Variants in SCAF1 observed in about 807,000 individuals in gnomAD.
SCAF1 encodes SR-related CTD associated factor 1, also known as splicing factor, arginine/serine-rich 19.
A neutral mutation model predicts 91.2 loss-of-function variants in SCAF1; 28 were observed. That is an observed-to-expected ratio of 0.31 (90% CI 0.23 to 0.42). SCAF1 has a LOEUF of 0.42. Ranked by LOEUF, SCAF1 falls within the 10% of genes least tolerant of loss-of-function variation. The probability of loss-of-function intolerance (pLI) is 1.00; values close to 1 mark genes in which losing one functional copy is unlikely to be tolerated. For missense variants in SCAF1, 1,893 were observed against 1,872.1 expected (o/e 1.01, Z -0.21); for synonymous variants, 1,036 against 833.7 (o/e 1.24, Z -4.18).
chr19:49,645,120 T>C lies in SCAF1; in HGVS notation c.94T>C (p.Ser32Pro). ...AGACAGAGACCCCACGCTTTCTCCT[T>C]CTGCCTTTATCCTGGTGAGGCTGCT... The part of the protein sequence containing the change: ...PPDRDPTLSP[S>P]AFILRAIQQA... The change falls in exon 2 of 11, where the codon TCT (serine) becomes CCT (proline). Residue 32 changes from serine (S) to proline (P), a missense_variant. By Grantham distance (74) the Ser-to-Pro change is moderately conservative. Around this residue, in one of 5 missense-constraint regions of SCAF1, gnomAD observed 270 missense variants for 292.5 expected, o/e 0.92. Transcript: ENST00000360565. This position sits in a 1 kb window ranked among gnomAD's most constrained non-coding sequence, Gnocchi z 4.6. 1 of 1,614,046 alleles carries C rather than the reference T, an allele frequency of 6.2e-7. No homozygotes were observed. Among genetic ancestry groups the C allele is most frequent in the Non-Finnish European group, 8.5e-7 (1 of 1,179,934 alleles).
In SCAF1 at chr19:49,652,743, A is replaced by G. The variant is rs1294178383; in HGVS notation, c.2354A>G (p.Asp785Gly). 1.2e-6 allele frequency: 2 copies of G among 1,608,274 alleles called. No individual in the cohort carries two copies. The highest frequency in any genetic ancestry group is 1.7e-6 in the Non-Finnish European group (2 of 1,177,708). Residue 785 changes from aspartate (D) to glycine (G), a missense_variant, in exon 7 of 11, where the codon GAT becomes GGT. By Grantham distance (94) the Asp-to-Gly change is moderately conservative (BLOSUM62 -1). Coordinates refer to ENST00000360565, the MANE Select transcript of SCAF1 (RefSeq NM_021228.3). ...GGDRDRDRDRDRDRDRSSKKA... is the reference protein window; with the variant it reads ...GGDRDRDRDRGRDRDRSSKKA... ...GACCGGGATCGGGACAGGGACAGAG[A>G]TAGGGACAGGGACAGGTCATCCAAG... is the stretch of plus-strand genomic sequence containing the variant.
intron 9 of SCAF1, among the ~76,000 whole-genome samples, 172 bp from the exon 10 acceptor site, chr19:49,657,589 C>T (rs989125467): frequency 4.6e-5 from 7 of 152,216 alleles, no homozygotes; most frequent in Admixed American, 6.5e-5. Flanking sequence ...CCTTTGGTCC[C>T]GGGCACCTGC....
rs749367598 is a variant in SCAF1 at position 49,652,939 on chromosome 19, G to T, written c.2550G>T (p.Pro850=). The part of the protein sequence containing the change: ...LIREGVSSTT[P]AKDAASAGLG... ...GCGAGGGTGTCAGCAGCACCACCCC[G>T]GCCAAGGATGCCGCGTCAGCCGGCC... Residue 850 remains proline (P), a synonymous_variant, in exon 7 of 11, where the codon CCG becomes CCT. Coordinates refer to ENST00000360565, the MANE Select transcript of SCAF1 (RefSeq NM_021228.3). 1 of 1,613,778 alleles carries T rather than the reference G, an allele frequency of 6.2e-7. No individual in the cohort carries two copies. Among genetic ancestry groups the T allele is most frequent in the South Asian group, 1.1e-5 (1 of 91,068 alleles).
At position 49,653,580 on chromosome 19, in the gene SCAF1, C is replaced by T. The variant is rs1424829774; in HGVS notation, c.3191C>T (p.Thr1064Ile). 1.9e-6 allele frequency: 3 copies of T among 1,589,694 alleles called. No homozygotes were observed. The highest frequency in any genetic ancestry group is 2.3e-5 in the South Asian group (2 of 88,580). The change falls in exon 7 of 11, where the codon ACA becomes ATA. Residue 1064 changes from threonine to isoleucine, a missense_variant. Physicochemically the swap from Thr to Ile is moderately conservative, Grantham distance 89. Around this residue, in one of 5 missense-constraint regions of SCAF1, gnomAD observed 1,436 missense variants for 1,306.8 expected, o/e 1.10. Transcript: ENST00000360565. ...APSTAPSAGS[T>I]AGDSGAEDGP... ...AGCACTGCCCCCAGCGCGGGGTCCA[C>T]AGCCGGTGACTCGGGGGCGGAGGAC...
intron 9 of SCAF1, 124 bp from the exon 10 acceptor site, chr19:49,657,637 C>A (rs2081148586): frequency 7.9e-7 from 1 of 1,269,418 alleles, no homozygotes; most frequent in East Asian, 2.7e-5. Flanking sequence ...AGCAGGACTT[C>A]CAGCCTGAGA....
At chr19:49,642,034 GCGCGGACC>G (rs1483720594), upstream of SCAF1, 2 of 152,260 alleles carry the variant, frequency 1.3e-5, no homozygotes, top group Non-Finnish European at 2.9e-5. The surrounding 1 kb of genome is among the most constrained non-coding windows in gnomAD (Gnocchi z 4.0). Context: ...GGCGTGCATC[GCGCGGACC>G]CCGCCCCATG....
Position 49,652,765 on chromosome 19 carries a change from C to A in SCAF1, c.2376C>A (p.Ser792=), listed in dbSNP as rs755547632. ...RDRDRDRDRS[S]KKARPPKESA... ...GAGATAGGGACAGGGACAGGTCATCCAAGAAGGCCCGGCCCCCCAAGGAGT... is the reference window on the plus strand; with the variant it reads ...GAGATAGGGACAGGGACAGGTCATCAAAGAAGGCCCGGCCCCCCAAGGAGT... The change falls in exon 7 of 11, where the codon TCC becomes TCA. Residue 792 remains serine, a synonymous_variant. Transcript: ENST00000360565. The A allele has an allele frequency of 6.2e-7, 1 of 1,612,246 alleles. No homozygotes were observed. The highest frequency in any genetic ancestry group is 8.5e-7 in the Non-Finnish European group (1 of 1,179,404).
At position 49,645,223 on chromosome 19, in the gene SCAF1, G is replaced by A. The variant is rs1223932503; in HGVS notation, c.108+89G>A. 20 of 1,482,958 alleles carry A rather than the reference G, an allele frequency of 1.3e-5. No homozygotes were observed. The highest frequency in any genetic ancestry group is 3.5e-5 in the Admixed American group (2 of 57,330). The allele number at this position is 1,482,958 out of a possible 1,614,324, so 91.9% of individuals were successfully genotyped here. On this transcript the variant is annotated intron_variant, in intron 2 of 10. Coordinates refer to ENST00000360565, the MANE Select transcript of SCAF1 (RefSeq NM_021228.3). The surrounding 1 kb of genome is among the most constrained non-coding windows in gnomAD (Gnocchi z 4.6). ...TGACTCCAGGGCCTGAGGCAGGGGC[G>A]CTGGACTCTTGGCTCCCTTGAAGCA...
Position 49,645,563 on chromosome 19 carries a change from G to C in SCAF1, c.166+152G>C. ...TGGGCAGACACCCTGTAGCTGCCTT[G>C]GAAGGGCCTAGTGTGCAGTGGAAGG... On this transcript the variant is annotated intron_variant, in intron 3 of 10. Coordinates refer to ENST00000360565, the MANE Select transcript of SCAF1 (RefSeq NM_021228.3). This position sits in a 1 kb window ranked among gnomAD's most constrained non-coding sequence, Gnocchi z 4.6. The C allele has an allele frequency of 1.4e-6, 1 of 730,508 alleles. No individual in the cohort carries two copies. Among genetic ancestry groups the C allele is most frequent in the South Asian group, 1.8e-5 (1 of 54,130 alleles). 45.3% of individuals were successfully genotyped at this position (730,508 alleles called of 1,614,324 possible).
At position 49,653,089 on chromosome 19, in the gene SCAF1, C is replaced by G; in HGVS notation, c.2700C>G (p.Thr900=). The G allele has an allele frequency of 6.2e-7, 1 of 1,613,180 alleles. No individual in the cohort carries two copies. The highest frequency in any genetic ancestry group is 8.5e-7 in the Non-Finnish European group (1 of 1,179,562). ...AAPGSTKPKK[T]KVKAKAGAKK... is the part of the protein sequence containing the mutation. Reference sequence around the variant, plus strand: ...CGGGCAGCACCAAGCCCAAAAAGACCAAGGTCAAGGCCAAGGCAGGGGCCA... The same window carrying G: ...CGGGCAGCACCAAGCCCAAAAAGACGAAGGTCAAGGCCAAGGCAGGGGCCA... The change falls in exon 7 of 11, where the codon ACC becomes ACG. Residue 900 remains threonine (T), a synonymous_variant. Coordinates refer to ENST00000360565, the MANE Select transcript of SCAF1 (RefSeq NM_021228.3).
At position 49,653,052 on chromosome 19, in the gene SCAF1, C is replaced by A; in HGVS notation, c.2663C>A (p.Ala888Asp). 6.2e-7 allele frequency: 1 copy of A among 1,613,960 alleles called. No homozygotes were observed. The highest frequency in any genetic ancestry group is 1.3e-5 in the African/African-American group (1 of 75,052). Residue 888 changes from alanine (A) to aspartate (D), a missense_variant, in exon 7 of 11, where the codon GCC (alanine) becomes GAC (aspartate). This residue lies in a region of SCAF1 where 1,436 missense variants were observed against 1,306.8 expected (regional missense o/e 1.10). Transcript: ENST00000360565. ...KPDERAPTEM[A>D]KAAPGSTKPK... ...GACGAGCGGGCCCCCACTGAGATGG[C>A]CAAAGCAGCTCCGGGCAGCACCAAG...
Position 49,653,477 on chromosome 19 carries a change from G to C in SCAF1, c.3088G>C (p.Glu1030Gln), listed in dbSNP as rs772379040. 21 of 1,557,434 alleles carry C rather than the reference G, an allele frequency of 1.3e-5. No individual in the cohort carries two copies. Among genetic ancestry groups the C allele is most frequent in the Non-Finnish European group, 1.7e-5 (20 of 1,154,210 alleles). ...GAEEEEEEEE[E>Q]EEEEEEEEEQ... ...GGAGGAGGAGGAGGAGGAAGAAGAA[G>C]AGGAGGAGGAAGAGGAAGAGGAGGA... Residue 1030 changes from glutamate (E) to glutamine (Q), a missense_variant, in exon 7 of 11, where the codon GAG (glutamate) becomes CAG (glutamine). Physicochemically the swap from Glu to Gln is conservative, Grantham distance 29 (BLOSUM62 2). Around this residue, in one of 5 missense-constraint regions of SCAF1, gnomAD observed 1,436 missense variants for 1,306.8 expected, o/e 1.10. Coordinates refer to ENST00000360565, the MANE Select transcript of SCAF1 (RefSeq NM_021228.3).
In SCAF1 at chr19:49,653,108, G is replaced by C. The variant is rs755375744; in HGVS notation, c.2719G>C (p.Gly907Arg). Residue 907 changes from glycine to arginine, a missense_variant, in exon 7 of 11, where the codon GGG becomes CGG. Physicochemically the swap from Gly to Arg is moderately radical, Grantham distance 125. Transcript: ENST00000360565. ...AAAGACCAAGGTCAAGGCCAAGGCA[G>C]GGGCCAAGAAAACCAAGGGGACCAA... ...PKKTKVKAKA[G>R]AKKTKGTKGK... 6.2e-7 allele frequency: 1 copy of C among 1,612,270 alleles called. No homozygotes were observed. Among genetic ancestry groups the C allele is most frequent in the Non-Finnish European group, 8.5e-7 (1 of 1,179,206 alleles).
At position 49,653,172 on chromosome 19, in the gene SCAF1, G is replaced by A. The variant is rs755561525; in HGVS notation, c.2783G>A (p.Arg928His). Reference protein sequence around the residue: ...TKPSKTRKKVRSGGGSGGSGG... With the variant: ...TKPSKTRKKVHSGGGSGGSGG... ...CCATCCAAGACCAGGAAAAAGGTCCGCAGTGGAGGTGGCAGCGGGGGCAGT... is the reference window on the plus strand; with the variant it reads ...CCATCCAAGACCAGGAAAAAGGTCCACAGTGGAGGTGGCAGCGGGGGCAGT... Residue 928 changes from arginine to histidine, a missense_variant, in exon 7 of 11, where the codon CGC becomes CAC. Around this residue, in one of 5 missense-constraint regions of SCAF1, gnomAD observed 1,436 missense variants for 1,306.8 expected, o/e 1.10. Transcript: ENST00000360565. 2.1e-5 allele frequency: 33 copies of A among 1,591,832 alleles called. 1 individual carries two copies. Among genetic ancestry groups the A allele is most frequent in the Non-Finnish European group, 2.7e-5 (31 of 1,169,664 alleles).
At chr19:49,647,944 T>C (rs1322828944) in intron 6 of SCAF1, among the ~76,000 whole-genome samples, 1 of 151,766 alleles carries the variant, frequency 6.6e-6, no homozygotes, top group Non-Finnish European at 1.5e-5. Context: ...CCTTGTTTGT[T>C]TTTTTTGAGA....
chr19:49,653,310 C>T lies in SCAF1; in HGVS notation c.2921C>T (p.Pro974Leu). 1 of 1,466,180 alleles carries T rather than the reference C, an allele frequency of 6.8e-7. No individual in the cohort carries two copies. The highest frequency in any genetic ancestry group is 2.6e-5 in the Admixed American group (1 of 37,978). The allele number at this position is 1,466,180 out of a possible 1,614,324, so 90.8% of individuals were successfully genotyped here. ...WSGEERAAKV[P>L]STPPPKAAPP... Reference sequence around the variant, plus strand: ...GGGGAGGAGCGGGCAGCCAAGGTTCCTAGCACCCCGCCCCCCAAGGCAGCC... The same window carrying T: ...GGGGAGGAGCGGGCAGCCAAGGTTCTTAGCACCCCGCCCCCCAAGGCAGCC... The change falls in exon 7 of 11, where the codon CCT (proline) becomes CTT (leucine). Residue 974 changes from proline (P) to leucine (L), a missense_variant. Physicochemically the swap from Pro to Leu is moderately conservative, Grantham distance 98. This residue lies in a region of SCAF1 where 1,436 missense variants were observed against 1,306.8 expected (regional missense o/e 1.10). Coordinates refer to ENST00000360565, the MANE Select transcript of SCAF1 (RefSeq NM_021228.3).
At position 49,652,897 on chromosome 19, in the gene SCAF1, G is replaced by A; in HGVS notation, c.2508G>A (p.Lys836=). 6.2e-7 allele frequency: 1 copy of A among 1,613,946 alleles called. No individual in the cohort carries two copies. The highest frequency in any genetic ancestry group is 8.5e-7 in the Non-Finnish European group (1 of 1,179,992). The change falls in exon 7 of 11, where the codon AAG becomes AAA. Residue 836 remains lysine (K), a synonymous_variant. Transcript: ENST00000360565. ...CSSRKVKLQS[K]VAVLIREGVS... ...CCCGGAAGGTGAAGCTGCAGTCCAA[G>A]GTGGCGGTGCTGATCCGCGAGGGTG...
upstream of SCAF1, among the ~76,000 whole-genome samples, chr19:49,641,893 C>A (rs1237312028): frequency 6.6e-6 from 1 of 152,238 alleles, no homozygotes; most frequent in African/African-American, 2.4e-5. Context: ...ACCTCCTGTT[C>A]CGCCACCCTT....
chr19:49,656,314 C>G (rs1175180895), intron 9 of SCAF1, among the ~76,000 whole-genome samples: 1 of 152,204 alleles, frequency 6.6e-6, no homozygotes, highest in African/African-American at 2.4e-5. Context: ...GAAGTCCCTC[C>G]AGGGCAGCCT....
Sources: gnomAD v4.1 joint callset for allele counts (sites outside exome capture counted in the v4.1 genomes callset) on GRCh38, gnomAD v4.1.1 for gene constraint, gnomAD v4.1.1 regional missense constraint, Gnocchi (gnomAD v3.1) non-coding constraint, MANE v1.5 for transcripts, NCBI Gene and HGNC (gene_info 2026-07-23, HGNC 2026-07-21) for gene names.